Variants in MIPOL1 observed in about 807,000 individuals in gnomAD.
The protein encoded by MIPOL1 is mirror-image polydactyly gene 1 protein.
MIPOL1 carries 57 observed loss-of-function variants against 60.9 expected under a neutral mutation model. That is an observed-to-expected ratio of 0.94 (90% CI 0.76 to 1.17). The LOEUF (loss-of-function observed/expected upper bound fraction) is 1.17, where lower values mean the gene tolerates loss of function less well. Among genes scored for constraint, MIPOL1 ranks in the 50% most tolerant of loss-of-function variants. The pLI, the probability that MIPOL1 is intolerant of heterozygous loss-of-function variation, is 0.00. For synonymous variants in MIPOL1, 179 were observed against 168.8 expected (o/e 1.06, Z -0.47); for missense variants, 551 against 511.6 (o/e 1.08, Z -0.74).
intron 9 of MIPOL1, among the ~76,000 whole-genome samples, chr14:37,349,333 TCAAA>T (rs544972182): frequency 7.9e-5 from 12 of 152,080 alleles, no homozygotes; most frequent in Non-Finnish European, 1.6e-4. Flanking sequence ...TACAGTAATG[TCAAA>T]CAAATTATGT....
rs574243336 is a variant in MIPOL1 at position 37,457,391 on chromosome 14, A to G, written c.1031+34442A>G. 6.6e-5 allele frequency among the ~76,000 whole-genome samples: 10 copies of G among 152,312 alleles called. No individual in the cohort carries two copies. In the South Asian group the frequency reaches 1.4e-3, roughly 22 times the overall value. On this transcript the variant is annotated intron_variant, in intron 11 of 12. Coordinates refer to ENST00000684589, the MANE Select transcript of MIPOL1 (RefSeq NM_001388067.1). ...ATAGACATGGCTTCAACCAGACTCA[A>G]AAGTTTCCACACACTGGGTTTCCAG...
intron 3 of MIPOL1, among the ~76,000 whole-genome samples, chr14:37,260,784 C>A (rs2082469953): frequency 6.6e-6 from 1 of 151,994 alleles, no homozygotes; most frequent in Admixed American, 6.6e-5. Flanking sequence ...AAAAAGTTTC[C>A]ATTTTTTAAG....
intron 1 of MIPOL1, among the ~76,000 whole-genome samples, chr14:37,206,355 G>A (rs1966096445): frequency 6.6e-6 from 1 of 152,174 alleles, no homozygotes; most frequent in African/African-American, 2.4e-5. Context: ...GCCTGTGAGT[G>A]CACCGAAGTC....
At chr14:37,206,306 C>T (rs922848369) in intron 1 of MIPOL1, among the ~76,000 whole-genome samples, 5 of 152,154 alleles carry the variant, frequency 3.3e-5, no homozygotes, top group South Asian at 2.1e-4. Context: ...CTTCAGAGTG[C>T]GCAGGCCCGA....
At chr14:37,214,919 C>T (rs1299299198) in intron 1 of MIPOL1, among the ~76,000 whole-genome samples, 2 of 151,990 alleles carry the variant, frequency 1.3e-5, no homozygotes, top group Non-Finnish European at 2.9e-5. Context: ...GACTACTCCA[C>T]CATCTCTTGT....
intron 11 of MIPOL1, among the ~76,000 whole-genome samples, chr14:37,487,280 A>T (rs914904078): frequency 6.6e-6 from 1 of 152,088 alleles, no homozygotes; most frequent in East Asian, 1.9e-4. Context: ...TATCAAGGAT[A>T]TTTGCCTGAA....
chr14:37,551,842 G>T (rs1034122046), downstream of MIPOL1: 4 of 150,418 alleles, frequency 2.7e-5, no homozygotes, highest in South Asian at 2.1e-4. Flanking sequence ...TCACGCCATT[G>T]CACTCCAGCC....
chr14:37,416,106 A>G (rs1175100172), intron 10 of MIPOL1, among the ~76,000 whole-genome samples: 2 of 152,346 alleles, frequency 1.3e-5, no homozygotes, highest in East Asian at 3.9e-4. Flanking sequence ...ATAATATAGT[A>G]TAAGTCTTAT....
chr14:37,226,957 G>T (rs1251277844), intron 1 of MIPOL1, among the ~76,000 whole-genome samples: 1 of 152,182 alleles, frequency 6.6e-6, no homozygotes, highest in African/African-American at 2.4e-5. Flanking sequence ...ATTCTTGACT[G>T]TGATGCTGCC....
At chr14:37,345,713 A>C (rs937112819) in intron 9 of MIPOL1, among the ~76,000 whole-genome samples, 3 of 152,148 alleles carry the variant, frequency 2.0e-5, no homozygotes, top group Non-Finnish European at 2.9e-5. Context: ...AGGGGTCCTC[A>C]TTGCTACTGA....
At chr14:37,354,042 T>G (rs2091613851) in intron 9 of MIPOL1, among the ~76,000 whole-genome samples, 1 of 151,642 alleles carries the variant, frequency 6.6e-6, no homozygotes, top group Non-Finnish European at 1.5e-5. Flanking sequence ...TTGTGGGCAT[T>G]TAGTGCTATA....
chr14:37,503,911 G>C (rs1408353995), intron 12 of MIPOL1: 1 of 152,120 alleles, frequency 6.6e-6, no homozygotes, highest in Admixed American at 6.5e-5. Flanking sequence ...GATGGAGGAA[G>C]ATCTACCAAG....
intron 7 of MIPOL1, among the ~76,000 whole-genome samples, chr14:37,305,590 A>G (rs2086714624): frequency 6.6e-6 from 1 of 151,806 alleles, no homozygotes; most frequent in Non-Finnish European, 1.5e-5. Context: ...AGACTAAATT[A>G]TGACATAATC....
chr14:37,397,590 G>C (rs1014654304), intron 10 of MIPOL1, among the ~76,000 whole-genome samples: 1 of 152,112 alleles, frequency 6.6e-6, no homozygotes. Context: ...CAGCTACCAG[G>C]GTGGATAGGG....
At chr14:37,469,698 G>C (rs778120143) in intron 11 of MIPOL1, among the ~76,000 whole-genome samples, 2 of 152,100 alleles carry the variant, frequency 1.3e-5, no homozygotes, top group Non-Finnish European at 2.9e-5. Context: ...AGCCATGAGG[G>C]CTCTGCCCTC....
chr14:37,318,791 TTTTATTTATTTATTTATTTA>T (rs149083164), intron 9 of MIPOL1, among the ~76,000 whole-genome samples: 6 of 149,706 alleles, frequency 4.0e-5, no homozygotes, highest in African/African-American at 5.0e-5. Flanking sequence ...TTTTACTTCA[TTTTATTTATTTATTTATTTA>T]TTTATTTATT....
At chr14:37,281,564 C>T (rs1043596373) in intron 6 of MIPOL1, among the ~76,000 whole-genome samples, 3 of 152,078 alleles carry the variant, frequency 2.0e-5, no homozygotes, top group African/African-American at 7.2e-5. Context: ...ACCACTATGC[C>T]CAGCTAATTT....
chr14:37,320,057 A>G (rs2088396145), intron 9 of MIPOL1, among the ~76,000 whole-genome samples: 1 of 152,176 alleles, frequency 6.6e-6, no homozygotes, highest in African/African-American at 2.4e-5. Context: ...AACATGTTAA[A>G]CAGATGACAG....
intron 6 of MIPOL1, among the ~76,000 whole-genome samples, chr14:37,283,045 T>C (rs2084255002): frequency 7.1e-6 from 1 of 140,994 alleles, no homozygotes; most frequent in African/African-American, 2.7e-5. Context: ...TGTTTTTTTG[T>C]TTTTGATGTT....
Sources: allele counts gnomAD v4.1 joint callset (sites outside exome capture counted in the v4.1 genomes callset), GRCh38; gene constraint gnomAD v4.1.1; transcripts MANE v1.5; gene names NCBI Gene and HGNC (gene_info 2026-07-23, HGNC 2026-07-21).